Variants in SAMD5 observed in about 807,000 individuals in gnomAD.
SAMD5 encodes the protein sterile alpha motif domain containing 5.
A neutral mutation model predicts 11.3 loss-of-function variants in SAMD5; 13 were observed. That is an observed-to-expected ratio of 1.15 (90% CI 0.75 to 1.83). The LOEUF is 1.83. SAMD5 is among the 40% of genes most tolerant of loss of function. The pLI, the probability that SAMD5 is intolerant of heterozygous loss-of-function variation, is 0.00. For missense variants in SAMD5, 255 were observed against 239.1 expected (o/e 1.07, Z -0.44); for synonymous variants, 129 against 111.3 (o/e 1.16, Z -1.00).
intron 1 of SAMD5, among the ~76,000 whole-genome samples, chr6:147,644,122 A>G (rs1790359439): frequency 6.6e-6 from 1 of 152,166 alleles, no homozygotes; most frequent in Admixed American, 6.5e-5. Flanking sequence ...ATTATAAACA[A>G]TATTTCTTAC....
chr6:147,896,738 C>CAAAAAAAAAAAAAAAAAAAAAAAAAA, the SAMD5 span, among the ~76,000 whole-genome samples: 6 of 55,328 alleles, frequency 1.1e-4, no homozygotes, highest in Admixed American at 3.6e-4. Flanking sequence ...GAACATTAAC[C>CAAAAAAAAAAAAAAAAAAAAAAAAAA]AAAAAAAAAA....
At chr6:147,731,392 C>T (rs1236408808) in intron 1 of SAMD5, among the ~76,000 whole-genome samples, 4 of 152,264 alleles carry the variant, frequency 2.6e-5, no homozygotes, top group South Asian at 4.1e-4. Context: ...AGAAATGCTT[C>T]TGTATTCTTT....
chr6:147,849,176 T>TTA, the SAMD5 span, among the ~76,000 whole-genome samples: 4 of 151,058 alleles, frequency 2.6e-5, no homozygotes, highest in African/African-American at 9.7e-5. Context: ...TTTTTTTTTT[T>TTA]ACAATTCTGG....
chr6:147,513,258 A>G (rs1276427584), intron 1 of SAMD5, among the ~76,000 whole-genome samples: 1 of 152,238 alleles, frequency 6.6e-6, no homozygotes, highest in Non-Finnish European at 1.5e-5. Flanking sequence ...ACCAGAGGCA[A>G]GCCAAACACT....
chr6:147,892,826 A>G, the SAMD5 span, among the ~76,000 whole-genome samples: 1 of 152,180 alleles, frequency 6.6e-6, no homozygotes, highest in Non-Finnish European at 1.5e-5. Flanking sequence ...CCACAACTGT[A>G]ATACTCATCT....
At chr6:147,539,855 T>G (rs949898235) in intron 1 of SAMD5, among the ~76,000 whole-genome samples, 2 of 152,106 alleles carry the variant, frequency 1.3e-5, no homozygotes, top group African/African-American at 4.8e-5. Context: ...CTTTTAATCA[T>G]AGTGTTTAAA....
intron 1 of SAMD5, among the ~76,000 whole-genome samples, chr6:147,656,884 C>T (rs1331587626): frequency 7.1e-6 from 1 of 140,316 alleles, no homozygotes; most frequent in Non-Finnish European, 1.5e-5. Flanking sequence ...GATAAACCTC[C>T]AACAATACAG....
chr6:147,868,091 C>A, the SAMD5 span, among the ~76,000 whole-genome samples: 1 of 152,152 alleles, frequency 6.6e-6, no homozygotes, highest in Non-Finnish European at 1.5e-5. Flanking sequence ...CTAGAAATAT[C>A]ATTAGAAAAC....
the SAMD5 span, among the ~76,000 whole-genome samples, chr6:147,870,472 GTGTGTGTGTGTA>G: frequency 5.6e-5 from 7 of 125,712 alleles, no homozygotes; most frequent in African/African-American, 8.7e-5. Flanking sequence ...GTGTGTGTGT[GTGTGTGTGTGTA>G]TATATATATG....
the SAMD5 span, among the ~76,000 whole-genome samples, chr6:147,786,824 C>T: frequency 6.6e-6 from 1 of 152,196 alleles, no homozygotes; most frequent in Admixed American, 6.5e-5. Flanking sequence ...TTTCCTTGAG[C>T]ATCAGCTGTA....
At chr6:147,884,656 CT>C in the SAMD5 span, among the ~76,000 whole-genome samples, 1 of 19,074 alleles carries the variant, frequency 5.2e-5, no homozygotes, top group Non-Finnish European at 9.3e-5. Context: ...TTTCAACCTT[CT>C]TATGTTTATT....
At chr6:147,759,350 G>A in the SAMD5 span, among the ~76,000 whole-genome samples, 26 of 152,232 alleles carry the variant, frequency 1.7e-4, no homozygotes, top group African/African-American at 6.3e-4. Flanking sequence ...CTTCAGACTG[G>A]CCAGTGTCAC....
chr6:147,579,238 C>G (rs1319044828), intron 1 of SAMD5, among the ~76,000 whole-genome samples: 1 of 152,126 alleles, frequency 6.6e-6, no homozygotes, highest in Admixed American at 6.6e-5. Context: ...CAAATAAATT[C>G]CTGATACATG....
Position 147,509,330 on chromosome 6 carries a change from C to G in SAMD5, c.402C>G (p.Ile134Met). The G allele has an allele frequency of 6.3e-7, 1 of 1,581,966 alleles. No individual in the cohort carries two copies. The highest frequency in any genetic ancestry group is 8.6e-7 in the Non-Finnish European group (1 of 1,166,002). ...SYPKLKLKIM[I>M]RDKLVRDGIH... ...CCAAACTGAAGCTGAAGATCATGAT[C>G]AGGGATAAGCTCGTCCGTGACGGCA... Residue 134 changes from isoleucine to methionine, a missense_variant, in exon 1 of 2, where the codon ATC becomes ATG. Transcript: ENST00000367474.
intron 1 of SAMD5, among the ~76,000 whole-genome samples, chr6:147,525,578 T>C (rs1287695742): frequency 6.6e-6 from 1 of 152,018 alleles, no homozygotes; most frequent in Non-Finnish European, 1.5e-5. Flanking sequence ...TGACTTGGCA[T>C]TGTTGTTACT....
the SAMD5 span, among the ~76,000 whole-genome samples, chr6:147,927,220 G>A: frequency 0.14 from 21,231 of 152,092 alleles, 1,834 homozygotes; most frequent in African/African-American, 0.24. Flanking sequence ...GTAGTTTGAT[G>A]GGAATAGCAT....
At chr6:147,538,730 G>A (rs778559470) in intron 1 of SAMD5, among the ~76,000 whole-genome samples, 4 of 152,266 alleles carry the variant, frequency 2.6e-5, no homozygotes, top group South Asian at 2.1e-4. Flanking sequence ...AAAGCATTTA[G>A]CAAATCGGAT....
At chr6:147,532,539 G>A (rs565157264) in intron 1 of SAMD5, among the ~76,000 whole-genome samples, 1 of 152,280 alleles carries the variant, frequency 6.6e-6, no homozygotes, top group Admixed American at 6.5e-5. Context: ...TTGGTTATGA[G>A]CACTTAGGTT....
At chr6:147,867,865 T>C in the SAMD5 span, among the ~76,000 whole-genome samples, 4 of 152,300 alleles carry the variant, frequency 2.6e-5, no homozygotes. Flanking sequence ...TCCTTATTGC[T>C]AAAACAAACA....
Sources: gnomAD v4.1 joint callset for allele counts (sites outside exome capture counted in the v4.1 genomes callset) on GRCh38, gnomAD v4.1.1 for gene constraint, MANE v1.5 for transcripts, NCBI Gene and HGNC (gene_info 2026-07-23, HGNC 2026-07-21) for gene names.